Variants in PRXL2B observed in about 807,000 individuals in gnomAD.
The protein encoded by PRXL2B is prostamide/prostaglandin F synthase.
Under a neutral mutation model 24.4 loss-of-function variants are expected in PRXL2B, and 26 were observed. The ratio of observed to expected loss-of-function variants is 1.07; its 90% CI spans 0.78 to 1.48. The LOEUF (loss-of-function observed/expected upper bound fraction) is 1.48, where lower values mean the gene tolerates loss of function less well. PRXL2B is among the 40% of genes most tolerant of loss of function. The pLI, the probability that PRXL2B is intolerant of heterozygous loss-of-function variation, is 0.00. For missense variants in PRXL2B, 269 were observed against 264.8 expected, an observed-to-expected ratio of 1.02 and a Z score of -0.11; for synonymous variants, 115 against 118.9, an observed-to-expected ratio of 0.97 and a Z score of 0.21.
chr1:2,587,205 C>T lies in PRXL2B; in HGVS notation c.178C>T (p.Leu60Phe), dbSNP rs1370219132. The stretch of plus-strand genomic sequence containing the variant: ...CCAGGACCTCAGCAGCCTTGCTGGG[C>T]TCCTGGACCAACACGGCGTGCGCCT... ...IAQDLSSLAG[L>F]LDQHGVRLVG... The change falls in exon 2 of 7, where the codon CTC (leucine) becomes TTC (phenylalanine). Residue 60 changes from leucine to phenylalanine, a missense_variant. Transcript: ENST00000419916. This position sits in a 1 kb window ranked among gnomAD's most constrained non-coding sequence, Gnocchi z 6.1. The T allele has an allele frequency of 6.4e-7, 1 of 1,568,958 alleles. No individual in the cohort carries two copies. Among genetic ancestry groups the T allele is most frequent in the South Asian group, 1.2e-5 (1 of 86,540 alleles).
chr1:2,588,819 G>T, intron 5 of PRXL2B, 103 bp from the exon 6 acceptor site: 2 of 1,278,956 alleles, frequency 1.6e-6, no homozygotes, highest in Middle Eastern at 1.9e-4. Flanking sequence ...GCCGGGTGGG[G>T]GATATGGCTG....
At chr1:2,588,696 C>T (rs1055625135) in intron 5 of PRXL2B, 71 bp downstream of exon 5, 6 of 1,524,096 alleles carry the variant, frequency 3.9e-6, no homozygotes, top group African/African-American at 2.7e-5. Context: ...CCAGCCCAGG[C>T]CCTCTCTCTG....
At position 2,588,638 on chromosome 1, in the gene PRXL2B, AG is replaced by A; in HGVS notation, c.460+17del. ...GTGGTCAGCAAAGGTGGGTCGAGGG[AG>A]GGGCCTCGGCCACTGCCTCAAGGAG... On this transcript the variant is annotated intron_variant, in intron 5 of 6. Transcript: ENST00000419916. 1 of 1,612,606 alleles carries A rather than the reference AG, an allele frequency of 6.2e-7. No homozygotes were observed. Among genetic ancestry groups the A allele is most frequent in the Non-Finnish European group, 8.5e-7 (1 of 1,179,398 alleles).
In PRXL2B at chr1:2,590,946, G is replaced by A. The variant is rs185629644; in HGVS notation, c.*1519G>A. On this transcript the variant is annotated 3_prime_UTR_variant, in exon 7 of 7. Transcript: ENST00000419916. The stretch of plus-strand genomic sequence containing the variant: ...GCTGCACCTTCGCACAGATGCCTCC[G>A]AGCAGCGGGTGGGCGTGGGCCGCAC... 7.8e-6 allele frequency: 11 copies of A among 1,414,126 alleles called. No homozygotes were observed. Among genetic ancestry groups the A allele is most frequent in the South Asian group, 6.1e-5 (4 of 65,508 alleles). The allele number at this position is 1,414,126 out of a possible 1,614,324, so 87.6% of individuals were successfully genotyped here.
At chr1:2,589,161 C>T in intron 6 of PRXL2B, 121 bp downstream of exon 6, 15 of 1,076,100 alleles carry the variant, frequency 1.4e-5, no homozygotes, top group South Asian at 1.2e-4. Flanking sequence ...GCCAATTGTG[C>T]CCTGGGATAT....
chr1:2,587,226 C>A lies in PRXL2B; in HGVS notation c.199C>A (p.Arg67Ser). The change falls in exon 2 of 7, where the codon CGC becomes AGC. Residue 67 changes from arginine (R) to serine (S), a missense_variant. Physicochemically the swap from Arg to Ser is moderately radical, Grantham distance 110. Transcript: ENST00000419916. The surrounding 1 kb of genome is among the most constrained non-coding windows in gnomAD (Gnocchi z 6.1). ...LAGLLDQHGVRLVGVGPEALG... is the reference protein window; with the variant it reads ...LAGLLDQHGVSLVGVGPEALG... ...TGGGCTCCTGGACCAACACGGCGTG[C>A]GCCTGGTGGGCGTAGGGCCCGAGGC... 1.3e-6 allele frequency: 2 copies of A among 1,573,818 alleles called. No homozygotes were observed. The highest frequency in any genetic ancestry group is 8.6e-7 in the Non-Finnish European group (1 of 1,166,108).
chr1:2,586,648 C>CG (rs1435456415), upstream of PRXL2B: 1 of 944,346 alleles, frequency 1.1e-6, no homozygotes, highest in African/African-American at 2.2e-5. Context: ...GAGCAGGGCT[C>CG]GGGGTGCGGT....
upstream of PRXL2B, chr1:2,586,754 G>A (rs1179313379): frequency 3.2e-6 from 4 of 1,240,764 alleles, no homozygotes; most frequent in African/African-American, 6.3e-5. Context: ...AGCAAGAAAG[G>A]CGGGACCGGG....
At chr1:2,589,151 G>A in intron 6 of PRXL2B, 111 bp downstream of exon 6, 1 of 1,111,418 alleles carries the variant, frequency 9.0e-7, no homozygotes. Flanking sequence ...TGGGCATCAT[G>A]CCAATTGTGC....
At position 2,587,085 on chromosome 1, in the gene PRXL2B, C is replaced by A. The variant is rs1250640032; in HGVS notation, c.64-6C>A. On this transcript the variant is annotated splice_region_variant and splice_polypyrimidine_tract_variant and intron_variant, in intron 1 of 6. Coordinates refer to ENST00000419916, the MANE Select transcript of PRXL2B (RefSeq NM_152371.5). This position sits in a 1 kb window ranked among gnomAD's most constrained non-coding sequence, Gnocchi z 6.1. The stretch of plus-strand genomic sequence containing the variant: ...GGGGCGCGCCCATGACCCAGCCGCC[C>A]GGCAGGCCGTGGAGCTGCGGAGCCT... 6.0e-6 allele frequency: 9 copies of A among 1,511,674 alleles called. No homozygotes were observed. The highest frequency in any genetic ancestry group is 7.9e-6 in the Non-Finnish European group (9 of 1,138,138). The allele number at this position is 1,511,674 out of a possible 1,614,324, so 93.6% of individuals were successfully genotyped here.
In PRXL2B at chr1:2,589,503, G is replaced by A. The variant is rs753944213; in HGVS notation, c.*76G>A. On this transcript the variant is annotated 3_prime_UTR_variant, in exon 7 of 7. Coordinates refer to ENST00000419916, the MANE Select transcript of PRXL2B (RefSeq NM_152371.5). ...AGGTGTGCTGGAAGTCCACTTGGAA[G>A]AACTGTTCCGGAGGCGCTGGGTCGG... 2.5e-6 allele frequency: 4 copies of A among 1,609,154 alleles called. No homozygotes were observed. The highest frequency in any genetic ancestry group is 3.4e-6 in the Non-Finnish European group (4 of 1,176,706).
At position 2,587,328 on chromosome 1, in the gene PRXL2B, T is replaced by C. The variant is rs1291191463; in HGVS notation, c.268+33T>C. On this transcript the variant is annotated intron_variant, in intron 2 of 6. Transcript: ENST00000419916. This position sits in a 1 kb window ranked among gnomAD's most constrained non-coding sequence, Gnocchi z 6.1. ...CTGTTCCCCGCCGCGGCGGCGCACATACCCTTCCCTAAGCTCAGGGCGTTC... is the reference window on the plus strand; with the variant it reads ...CTGTTCCCCGCCGCGGCGGCGCACACACCCTTCCCTAAGCTCAGGGCGTTC... 9 of 1,538,148 alleles carry C rather than the reference T, an allele frequency of 5.9e-6. No homozygotes were observed. The highest frequency in any genetic ancestry group is 7.8e-6 in the Non-Finnish European group (9 of 1,147,090).
Position 2,590,888 on chromosome 1 carries a change from G to A in PRXL2B, c.*1461G>A, listed in dbSNP as rs1644674851. The A allele has an allele frequency of 1.1e-6, 1 of 926,112 alleles. No individual in the cohort carries two copies. Among genetic ancestry groups the A allele is most frequent in the Non-Finnish European group, 1.5e-6 (1 of 680,890 alleles). The allele number at this position is 926,112 out of a possible 1,614,324, so 57.4% of individuals were successfully genotyped here. On this transcript the variant is annotated 3_prime_UTR_variant, in exon 7 of 7. Coordinates refer to ENST00000419916, the MANE Select transcript of PRXL2B (RefSeq NM_152371.5). Reference sequence around the variant, plus strand: ...CCTGGCAGGCAGGCTTGGCATGGTTGGCCGGGGCGGGACGTACACTGGGTC... The same window carrying A: ...CCTGGCAGGCAGGCTTGGCATGGTTAGCCGGGGCGGGACGTACACTGGGTC...
At position 2,589,526 on chromosome 1, in the gene PRXL2B, C is replaced by T. The variant is rs769296681; in HGVS notation, c.*99C>T. The stretch of plus-strand genomic sequence containing the variant: ...AAGAACTGTTCCGGAGGCGCTGGGT[C>T]GGGATGCCGAACCTCTCCTGATCCG... On this transcript the variant is annotated 3_prime_UTR_variant, in exon 7 of 7. Coordinates refer to ENST00000419916, the MANE Select transcript of PRXL2B (RefSeq NM_152371.5). 39 of 1,566,018 alleles carry T rather than the reference C, an allele frequency of 2.5e-5. No homozygotes were observed. In the Admixed American group the frequency reaches 4.1e-4, roughly 16 times the overall value.
In PRXL2B at chr1:2,589,820, G is replaced by T; in HGVS notation, c.*393G>T. The T allele has an allele frequency of 3.7e-6, 1 of 272,646 alleles. No individual in the cohort carries two copies. The highest frequency in any genetic ancestry group is 7.0e-6 in the Non-Finnish European group (1 of 143,394). The allele number at this position is 272,646 out of a possible 1,614,324, so 16.9% of individuals were successfully genotyped here. On this transcript the variant is annotated 3_prime_UTR_variant, in exon 7 of 7. Transcript: ENST00000419916. ...GACCCAAGCCCACGTCAGGAGAGGA[G>T]CGTGGGGTCAGCTCCAGCAGGGTCG...
At position 2,590,997 on chromosome 1, in the gene PRXL2B, A is replaced by G. The variant is rs976706505; in HGVS notation, c.*1570A>G. 9.4e-6 allele frequency: 15 copies of G among 1,589,194 alleles called. No homozygotes were observed. The highest frequency in any genetic ancestry group is 4.1e-5 in the African/African-American group (3 of 74,068). Reference sequence around the variant, plus strand: ...AGCGCGGCAGGGCCTTGGCTACCACACGCGGCATCGCTCCTTGGGGTGCAT... The same window carrying G: ...AGCGCGGCAGGGCCTTGGCTACCACGCGCGGCATCGCTCCTTGGGGTGCAT... On this transcript the variant is annotated 3_prime_UTR_variant, in exon 7 of 7. Coordinates refer to ENST00000419916, the MANE Select transcript of PRXL2B (RefSeq NM_152371.5).
At position 2,589,476 on chromosome 1, in the gene PRXL2B, C is replaced by T; in HGVS notation, c.*49C>T. 1.2e-6 allele frequency: 2 copies of T among 1,613,452 alleles called. No individual in the cohort carries two copies. The highest frequency in any genetic ancestry group is 2.2e-5 in the East Asian group (1 of 44,872). ...GAGGATCTGGGTGGCGTCTGCTGCC[C>T]TAGGTGTGCTGGAAGTCCACTTGGA... On this transcript the variant is annotated 3_prime_UTR_variant, in exon 7 of 7. Transcript: ENST00000419916.
In PRXL2B at chr1:2,588,975, C is replaced by T. The variant is rs1644604254; in HGVS notation, c.514C>T (p.Pro172Ser). The part of the protein sequence containing the change: ...FVQKSPGDYV[P>S]KEHILQVLGI... ...CCAGAAGTCCCCAGGCGACTACGTCCCCAAGGAGCACATCCTGCAGGTCCT... is the reference window on the plus strand; with the variant it reads ...CCAGAAGTCCCCAGGCGACTACGTCTCCAAGGAGCACATCCTGCAGGTCCT... Residue 172 changes from proline (P) to serine (S), a missense_variant, in exon 6 of 7, where the codon CCC becomes TCC. Coordinates refer to ENST00000419916, the MANE Select transcript of PRXL2B (RefSeq NM_152371.5). The T allele has an allele frequency of 2.5e-6, 4 of 1,613,346 alleles. No homozygotes were observed. Among genetic ancestry groups the T allele is most frequent in the Non-Finnish European group, 3.4e-6 (4 of 1,179,996 alleles).
Position 2,589,433 on chromosome 1 carries a change from G to A in PRXL2B, c.*6G>A. The A allele has an allele frequency of 6.2e-7, 1 of 1,613,764 alleles. No individual in the cohort carries two copies. The highest frequency in any genetic ancestry group is 8.5e-7 in the Non-Finnish European group (1 of 1,179,892). On this transcript the variant is annotated 3_prime_UTR_variant, in exon 7 of 7. Coordinates refer to ENST00000419916, the MANE Select transcript of PRXL2B (RefSeq NM_152371.5). Reference sequence around the variant, plus strand: ...AGTGTGACAGAGAGGTGTGAGGGAGGCGAAGGCCCTGGCCTCCGAGGATCT... The same window carrying A: ...AGTGTGACAGAGAGGTGTGAGGGAGACGAAGGCCCTGGCCTCCGAGGATCT...
Sources: allele counts gnomAD v4.1 joint callset, GRCh38; gene constraint gnomAD v4.1.1; non-coding constraint Gnocchi (gnomAD v3.1); transcripts MANE v1.5; gene names NCBI Gene and HGNC (gene_info 2026-07-23, HGNC 2026-07-21).